The following STYXL1 variants were observed in gnomAD, a reference collection of about 807,000 sequenced individuals.
The protein encoded by STYXL1 is serine/threonine/tyrosine-interacting-like protein 1.
A neutral mutation model predicts 36.4 loss-of-function variants in STYXL1; 32 were observed. The observed-to-expected ratio is 0.88, with a 90% CI of 0.66 to 1.18. The LOEUF is 1.18. STYXL1 is among the 50% of genes most tolerant of loss of function. The pLI, the probability that STYXL1 is intolerant of heterozygous loss-of-function variation, is 0.00. For synonymous variants in STYXL1, 133 were observed against 144.1 expected, an observed-to-expected ratio of 0.92 and a Z score of 0.55; for missense variants, 354 against 394.1, an observed-to-expected ratio of 0.90 and a Z score of 0.86.
intron 1 of STYXL1, among the ~76,000 whole-genome samples, chr7:76,035,292 A>G (rs115595438): frequency 0.011 from 1,652 of 152,054 alleles, 69 homozygotes; most frequent in African/African-American, 0.036. Flanking sequence ...TCTTCACATA[A>G]TAGTCCGGGA....
chr7:76,038,574 T>C (rs1218398813), intron 1 of STYXL1, among the ~76,000 whole-genome samples: 1 of 151,174 alleles, frequency 6.6e-6, no homozygotes, highest in Non-Finnish European at 1.5e-5. Flanking sequence ...TACAGGCGTC[T>C]GCCACCACGC....
intron 7 of STYXL1, among the ~76,000 whole-genome samples, chr7:76,001,582 C>T (rs1200263088): frequency 3.3e-5 from 5 of 152,116 alleles, no homozygotes; most frequent in African/African-American, 1.2e-4. Context: ...CAACCTCTGC[C>T]TCCTGGGTTC....
intron 6 of STYXL1, among the ~76,000 whole-genome samples, chr7:76,004,555 A>G (rs1791410590): frequency 6.6e-6 from 1 of 152,040 alleles, no homozygotes; most frequent in Non-Finnish European, 1.5e-5. Flanking sequence ...AACTACAAAA[A>G]TTAGCCGGGT....
intron 7 of STYXL1, among the ~76,000 whole-genome samples, chr7:76,002,609 T>C (rs1791094978): frequency 6.6e-6 from 1 of 152,130 alleles, no homozygotes. Flanking sequence ...TGAGCAACAT[T>C]TGACATCTAC....
intron 3 of STYXL1, among the ~76,000 whole-genome samples, chr7:76,026,447 T>A (rs1275718957): frequency 6.6e-6 from 1 of 151,786 alleles, no homozygotes; most frequent in Non-Finnish European, 1.5e-5. Context: ...ACTGAGTTAA[T>A]TTTTCAATTT....
intron 4 of STYXL1, 40 bp downstream of exon 4, chr7:76,021,811 C>T: frequency 3.4e-6 from 5 of 1,482,938 alleles, no homozygotes; most frequent in Non-Finnish European, 3.8e-6. Flanking sequence ...TGTTCAATAG[C>T]CGTTAACTAT....
chr7:76,030,379 G>C, intron 2 of STYXL1, 42 bp downstream of exon 2: 4 of 1,428,144 alleles, frequency 2.8e-6, no homozygotes, highest in Non-Finnish European at 4.0e-6. Flanking sequence ...ATGTTTGAAG[G>C]ACACTGTGTT....
In STYXL1 at chr7:76,047,231, A is replaced by G. The variant is rs565410421; in HGVS notation, c.-5+431T>C. Among the ~76,000 whole-genome samples the G allele has an allele frequency of 2.6e-5, 4 of 152,262 alleles. No homozygotes were observed. In the South Asian group the frequency reaches 8.3e-4, roughly 32 times the overall value. ...AGCCAAGATCGCGCCACTGCACTCCAGCCTGGGCTAGAGAGACTCCGTCTC... is the reference window on the plus strand; with the variant it reads ...AGCCAAGATCGCGCCACTGCACTCCGGCCTGGGCTAGAGAGACTCCGTCTC... On this transcript the variant is annotated intron_variant, in intron 1 of 8. Coordinates refer to ENST00000359697, the MANE Select transcript of STYXL1 (RefSeq NM_001317785.2).
At chr7:76,007,721 G>A (rs2115587269) in intron 5 of STYXL1, among the ~76,000 whole-genome samples, 1 of 151,928 alleles carries the variant, frequency 6.6e-6, no homozygotes, top group African/African-American at 2.4e-5. Flanking sequence ...AGGAGTTCAA[G>A]ACCAGCCTGG....
chr7:76,040,152 G>A (rs566166902), intron 1 of STYXL1, among the ~76,000 whole-genome samples: 22 of 152,236 alleles, frequency 1.4e-4, no homozygotes, highest in African/African-American at 4.8e-4. Flanking sequence ...GTCAGGAGGC[G>A]GTGGTGGGGT....
intron 1 of STYXL1, among the ~76,000 whole-genome samples, chr7:76,030,850 TAAAAAAAAAAAAAAAA>T (rs1160725857): frequency 1.8e-5 from 1 of 57,084 alleles, no homozygotes. Flanking sequence ...CCATCTCTAC[TAAAAAAAAAAAAAAAA>T]AAAAAAAAAA....
At chr7:76,014,496 T>C (rs1236006141) in intron 4 of STYXL1, among the ~76,000 whole-genome samples, 1 of 151,618 alleles carries the variant, frequency 6.6e-6, no homozygotes, top group African/African-American at 2.4e-5. Context: ...GGACTATAGG[T>C]GCGCACCACC....
intron 5 of STYXL1, among the ~76,000 whole-genome samples, chr7:76,012,387 C>T (rs782773449): frequency 2.6e-5 from 4 of 151,900 alleles, no homozygotes; most frequent in Non-Finnish European, 5.9e-5. Context: ...GCAATCCACC[C>T]ATCTCTTTTC....
intron 7 of STYXL1, 131 bp downstream of exon 7, chr7:76,003,627 G>A: frequency 1.3e-6 from 1 of 777,708 alleles, no homozygotes; most frequent in Non-Finnish European, 2.1e-6. Context: ...TGGAGCATAT[G>A]CCGAGCTGGG....
intron 1 of STYXL1, among the ~76,000 whole-genome samples, chr7:76,031,965 A>G (rs1795379937): frequency 6.6e-6 from 1 of 152,194 alleles, no homozygotes; most frequent in Non-Finnish European, 1.5e-5. Flanking sequence ...GCAAGATGCA[A>G]GAGCACTATA....
At position 76,021,971 on chromosome 7, in the gene STYXL1, G is replaced by A. The variant is rs781827342; in HGVS notation, c.187C>T (p.Pro63Ser). 6 of 1,607,742 alleles carry A rather than the reference G, an allele frequency of 3.7e-6. No individual in the cohort carries two copies. The Admixed American group carries it at 5.1e-5, about 14-fold the overall frequency. The change falls in exon 4 of 9, where the codon CCG becomes TCG. Residue 63 changes from proline (P) to serine (S), a missense_variant. Physicochemically the swap from Pro to Ser is moderately conservative, Grantham distance 74 (BLOSUM62 -1). Transcript: ENST00000359697. ...ACACACTCCAGGTCCACAGACTCCG[G>A]GAGAAGATATTCATTATTTTTCTTA... Reference protein sequence around the residue: ...VKKKNNEYLLPESVDLECVKY... With the variant: ...VKKKNNEYLLSESVDLECVKY...
chr7:76,014,904 A>T (rs1317624315), intron 4 of STYXL1, among the ~76,000 whole-genome samples: 1 of 152,122 alleles, frequency 6.6e-6, no homozygotes, highest in Non-Finnish European at 1.5e-5. Flanking sequence ...TAACCCAGAA[A>T]TAAAGCCACA....
intron 5 of STYXL1, among the ~76,000 whole-genome samples, chr7:76,009,048 T>C (rs1217563354): frequency 3.3e-5 from 5 of 151,894 alleles, no homozygotes; most frequent in African/African-American, 1.2e-4. Context: ...AAAAATCCCA[T>C]AGCAAATCTA....
At position 76,020,532 on chromosome 7, in the gene STYXL1, A is replaced by G. The variant is rs1793936531; in HGVS notation, c.307+1319T>C. 2.0e-5 allele frequency among the ~76,000 whole-genome samples: 3 copies of G among 152,258 alleles called. No individual in the cohort carries two copies. In the South Asian group the frequency reaches 6.2e-4, roughly 32 times the overall value. ...CTGCATGCTCTCGTGCCACTACCCA[A>G]TCCCTGGGGGACAGGACAGAGCCAA... On this transcript the variant is annotated intron_variant, in intron 4 of 8. Coordinates refer to ENST00000359697, the MANE Select transcript of STYXL1 (RefSeq NM_001317785.2).
Sources: gnomAD v4.1 joint callset for allele counts (sites outside exome capture counted in the v4.1 genomes callset) on GRCh38, gnomAD v4.1.1 for gene constraint, MANE v1.5 for transcripts, NCBI Gene and HGNC (gene_info 2026-07-23, HGNC 2026-07-21) for gene names.